The following BTD variants were observed in gnomAD, a reference collection of about 807,000 sequenced individuals.
BTD encodes the protein biotinidase.
In BTD, 13 loss-of-function variants were observed where a neutral mutation model predicts 17.7. The observed-to-expected ratio is 0.74, with a 90% CI of 0.48 to 1.17. The LOEUF (loss-of-function observed/expected upper bound fraction) is 1.17. Ranked by LOEUF, BTD falls within the 50% of genes most tolerant of loss-of-function variation. The pLI is 0.00. For synonymous variants in BTD, 240 were observed against 245.2 expected (o/e 0.98, Z 0.20); for missense variants, 674 against 650.4 (o/e 1.04, Z -0.39).
intron 3 of BTD, among the ~76,000 whole-genome samples, chr3:15,691,562 G>A (rs183700127): frequency 6.6e-6 from 1 of 152,176 alleles, no homozygotes; most frequent in Non-Finnish European, 1.5e-5. Context: ...AAACTTCAAA[G>A]GACTATAATG....
chr3:15,602,204 A>T (rs1205180106), intron 1 of BTD: 1 of 1,371,644 alleles, frequency 7.3e-7, no homozygotes, highest in East Asian at 2.8e-5. Context: ...AAGAGATAAA[A>T]TGACGCTCAG....
At chr3:15,620,383 A>C (rs2125391485) in intron 1 of BTD, among the ~76,000 whole-genome samples, 1 of 152,320 alleles carries the variant, frequency 6.6e-6, no homozygotes, top group Admixed American at 6.5e-5. Flanking sequence ...CTAGGAAAAG[A>C]ATTTAGCGAT....
intron 1 of BTD, among the ~76,000 whole-genome samples, chr3:15,629,531 T>G (rs1489881092): frequency 2.0e-5 from 3 of 152,182 alleles, no homozygotes; most frequent in African/African-American, 7.2e-5. Context: ...GTGGTTGTTT[T>G]GTTTTGTTTT....
chr3:15,642,404 G>T (rs887441385), intron 3 of BTD, among the ~76,000 whole-genome samples: 8 of 151,540 alleles, frequency 5.3e-5, no homozygotes, highest in African/African-American at 1.7e-4. Context: ...ACAATTTGAT[G>T]TGCATTCAGT....
chr3:15,668,193 C>T (rs1426330408), intron 3 of BTD: 1 of 152,094 alleles, frequency 6.6e-6, no homozygotes, highest in Non-Finnish European at 1.5e-5. Context: ...GAAAGATCAC[C>T]CTTGTAGAAG....
chr3:15,676,958 T>C (rs1472230115), intron 3 of BTD: 1 of 1,600,212 alleles, frequency 6.2e-7, no homozygotes, highest in Non-Finnish European at 8.6e-7. Flanking sequence ...TTATACTAGA[T>C]ACTGACAGTA....
chr3:15,675,957 G>T, intron 3 of BTD: 3 of 1,612,934 alleles, frequency 1.9e-6, no homozygotes, highest in South Asian at 1.1e-5. Context: ...AACCACCATT[G>T]TTAGCCCATT....
downstream of BTD, among the ~76,000 whole-genome samples, chr3:15,714,261 G>A (rs1488835275): frequency 1.3e-5 from 2 of 151,882 alleles, no homozygotes; most frequent in Non-Finnish European, 2.9e-5. Flanking sequence ...TATATACAGA[G>A]TACACACATT....
chr3:15,694,830 A>G (rs2069302176), intron 3 of BTD: 1 of 1,610,440 alleles, frequency 6.2e-7, no homozygotes, highest in Admixed American at 1.7e-5. Context: ...AAGAAGAGGC[A>G]TTTTAAATGT....
downstream of BTD, chr3:15,713,483 T>C (rs1376404503): frequency 1.4e-6 from 2 of 1,476,022 alleles, no homozygotes; most frequent in Admixed American, 1.9e-5. Context: ...CACTTCCCTT[T>C]GTGCTTGCCT....
intron 1 of BTD, chr3:15,602,178 A>C: frequency 7.1e-7 from 1 of 1,405,308 alleles, no homozygotes; most frequent in East Asian, 2.6e-5. Context: ...ATCCAGAAGC[A>C]GATGTGTACC....
At chr3:15,624,201 T>A (rs2065017506) in intron 1 of BTD, among the ~76,000 whole-genome samples, 1 of 152,188 alleles carries the variant, frequency 6.6e-6, no homozygotes, top group South Asian at 2.1e-4. Context: ...ATTTTTTTAT[T>A]TTTTATTTTC....
At chr3:15,631,554 C>T in intron 1 of BTD, 1 of 1,372,170 alleles carries the variant, frequency 7.3e-7, no homozygotes, top group Non-Finnish European at 1.0e-6. Context: ...ACCAAATTTA[C>T]ATGAAATAGA....
intron 4 of BTD, among the ~76,000 whole-genome samples, chr3:15,720,743 G>A (rs1000152230): frequency 3.9e-5 from 6 of 151,932 alleles, no homozygotes; most frequent in Non-Finnish European, 8.8e-5. Context: ...TACATAAATG[G>A]AAAGAATGTA....
intron 3 of BTD, chr3:15,690,145 C>T (rs1376956130): frequency 6.2e-7 from 1 of 1,609,608 alleles, no homozygotes; most frequent in Admixed American, 1.7e-5. Context: ...GGTGTTCTTC[C>T]ACTACTATTT....
At chr3:15,678,404 T>A (rs753830845) in intron 3 of BTD, 1 of 1,520,482 alleles carries the variant, frequency 6.6e-7, no homozygotes, top group South Asian at 1.2e-5. Context: ...ATGTTATATA[T>A]GCTGGAAAAA....
intron 3 of BTD, among the ~76,000 whole-genome samples, chr3:15,675,139 A>C (rs1350730956): frequency 6.6e-6 from 1 of 152,096 alleles, no homozygotes; most frequent in Non-Finnish European, 1.5e-5. Flanking sequence ...GCGTCGTGGC[A>C]GGTGTCAGTA....
chr3:15,608,130 C>T (rs1315456271), intron 1 of BTD, among the ~76,000 whole-genome samples: 1 of 152,160 alleles, frequency 6.6e-6, no homozygotes, highest in Non-Finnish European at 1.5e-5. Flanking sequence ...TCCCAGGTAC[C>T]CTGTGACCTA....
At chr3:15,641,430 A>G (rs901114355) in intron 2 of BTD, among the ~76,000 whole-genome samples, 6 of 152,196 alleles carry the variant, frequency 3.9e-5, no homozygotes, top group Non-Finnish European at 8.8e-5. Context: ...TGGTCCCGGC[A>G]TCAGTGGTTT....
Sources: allele counts gnomAD v4.1 joint callset (sites outside exome capture counted in the v4.1 genomes callset), GRCh38; gene constraint gnomAD v4.1.1; transcripts MANE v1.5; gene names NCBI Gene and HGNC (gene_info 2026-07-23, HGNC 2026-07-21).